The following HSDL2 variants were observed in gnomAD, a reference collection of about 807,000 sequenced individuals.
The protein encoded by HSDL2 is hydroxysteroid dehydrogenase like 2, also known as hydroxysteroid dehydrogenase-like protein 2.
HSDL2 carries 27 observed loss-of-function variants against 46.3 expected under a neutral mutation model. That is an observed-to-expected ratio of 0.58 (90% CI 0.43 to 0.80). The LOEUF is 0.80. HSDL2 is among the 30% of genes least tolerant of loss of function. The probability of loss-of-function intolerance (pLI) is 0.00; values close to 1 mark genes in which losing one functional copy is unlikely to be tolerated. For missense variants in HSDL2, 451 were observed against 502.7 expected, an observed-to-expected ratio of 0.90 and a Z score of 0.98; for synonymous variants, 153 against 163.6, an observed-to-expected ratio of 0.94 and a Z score of 0.50.
chr9:112,391,937 A>G (rs1311867008), intron 1 of HSDL2, among the ~76,000 whole-genome samples: 2 of 152,090 alleles, frequency 1.3e-5, no homozygotes, highest in Non-Finnish European at 2.9e-5. Context: ...ATTAATAGGA[A>G]CTTTGCAAAA....
chr9:112,391,179 A>AATAATAATAATG (rs1311324453), intron 1 of HSDL2, among the ~76,000 whole-genome samples: 4 of 109,414 alleles, frequency 3.7e-5, no homozygotes, highest in African/African-American at 9.1e-5. Flanking sequence ...CCATCTCAAA[A>AATAATAATAATG]ATAATAATAA....
At chr9:112,456,835 G>T (rs1028200693) in intron 9 of HSDL2, among the ~76,000 whole-genome samples, 1 of 152,020 alleles carries the variant, frequency 6.6e-6, no homozygotes, top group Non-Finnish European at 1.5e-5. Context: ...GGGCAGTGTC[G>T]ATCCACACCC....
chr9:112,466,165 T>TA (rs1388391976), intron 10 of HSDL2, among the ~76,000 whole-genome samples: 3 of 152,252 alleles, frequency 2.0e-5, no homozygotes, highest in African/African-American at 7.2e-5. Context: ...ATACTTTTTT[T>TA]ATGTGCTTAT....
intron 1 of HSDL2, among the ~76,000 whole-genome samples, chr9:112,393,814 A>C (rs968007499): frequency 6.6e-6 from 1 of 152,226 alleles, no homozygotes; most frequent in Non-Finnish European, 1.5e-5. Flanking sequence ...CAAGTGCATA[A>C]ATGACAATGT....
chr9:112,467,055 T>C (rs952202608), intron 10 of HSDL2, among the ~76,000 whole-genome samples: 1 of 152,184 alleles, frequency 6.6e-6, no homozygotes, highest in Non-Finnish European at 1.5e-5. Flanking sequence ...AACTCACAAT[T>C]TCTACTTGTA....
intron 8 of HSDL2, among the ~76,000 whole-genome samples, chr9:112,449,192 T>G (rs899803890): frequency 6.7e-6 from 1 of 150,166 alleles, no homozygotes; most frequent in African/African-American, 2.4e-5. Flanking sequence ...GTTCAAGCAA[T>G]TCTCATGCCT....
In HSDL2 at chr9:112,459,595, T is replaced by C. The variant is rs1420521561; in HGVS notation, c.1144+18T>C. The C allele has an allele frequency of 6.2e-7, 1 of 1,606,112 alleles. No homozygotes were observed. The highest frequency in any genetic ancestry group is 8.5e-7 in the Non-Finnish European group (1 of 1,173,430). On this transcript the variant is annotated intron_variant, in intron 10 of 10. Transcript: ENST00000398805. ...GTTTTCAGGTGAGTTTTCCAGTTTATTAGTTTACCTTATTGTTCAGAGAAA... is the reference window on the plus strand; with the variant it reads ...GTTTTCAGGTGAGTTTTCCAGTTTACTAGTTTACCTTATTGTTCAGAGAAA...
chr9:112,442,931 G>C (rs1832673199), intron 8 of HSDL2, among the ~76,000 whole-genome samples: 1 of 151,078 alleles, frequency 6.6e-6, no homozygotes, highest in Non-Finnish European at 1.5e-5. Flanking sequence ...AAATTACTTA[G>C]GTAATAAAAA....
chr9:112,433,850 G>T (rs1832461072), intron 6 of HSDL2: 1 of 152,170 alleles, frequency 6.6e-6, no homozygotes, highest in Admixed American at 6.6e-5. Flanking sequence ...TTAACGGAGT[G>T]GGTACAGTGT....
At chr9:112,398,485 T>A (rs992856642) in intron 1 of HSDL2, among the ~76,000 whole-genome samples, 2 of 150,834 alleles carry the variant, frequency 1.3e-5, no homozygotes, top group Non-Finnish European at 3.0e-5. Context: ...TCATTGGGGG[T>A]GACGTTAAGC....
chr9:112,387,425 GCC>G (rs1261156874), intron 1 of HSDL2, among the ~76,000 whole-genome samples: 1 of 151,998 alleles, frequency 6.6e-6, no homozygotes, highest in Non-Finnish European at 1.5e-5. Context: ...TCTCTATGTT[GCC>G]CAGGCTGGTC....
At chr9:112,397,950 G>A (rs1163428425) in intron 1 of HSDL2, among the ~76,000 whole-genome samples, 2 of 152,086 alleles carry the variant, frequency 1.3e-5, no homozygotes, top group Admixed American at 6.6e-5. Flanking sequence ...CGGATAAGCC[G>A]ACACCTCTAA....
chr9:112,458,236 A>C (rs1320061323), intron 9 of HSDL2, among the ~76,000 whole-genome samples: 1 of 151,808 alleles, frequency 6.6e-6, no homozygotes, highest in Non-Finnish European at 1.5e-5. Context: ...TTCAAATCTC[A>C]GCTTCAACTG....
chr9:112,430,513 C>G (rs1832362639), intron 6 of HSDL2, among the ~76,000 whole-genome samples: 1 of 152,088 alleles, frequency 6.6e-6, no homozygotes, highest in African/African-American at 2.4e-5. Context: ...CTGATCAAAC[C>G]TAAATGTTTA....
chr9:112,469,897 A>G, intron 10 of HSDL2: 1 of 152,232 alleles, frequency 6.6e-6, no homozygotes, highest in East Asian at 1.9e-4. Context: ...TATTTATTAC[A>G]TGTTGTTATT....
intron 1 of HSDL2, among the ~76,000 whole-genome samples, chr9:112,392,455 C>T (rs1379320923): frequency 6.6e-6 from 1 of 152,154 alleles, no homozygotes; most frequent in Non-Finnish European, 1.5e-5. Flanking sequence ...ATCTCACTCC[C>T]TCACTCCTTA....
chr9:112,420,288 T>C (rs2132645283), intron 6 of HSDL2, among the ~76,000 whole-genome samples: 1 of 152,298 alleles, frequency 6.6e-6, no homozygotes, highest in African/African-American at 2.4e-5. Context: ...CACTCCATCC[T>C]GGGTAACAGA....
chr9:112,422,897 T>A (rs577155218), intron 6 of HSDL2, among the ~76,000 whole-genome samples: 30 of 152,340 alleles, frequency 2.0e-4, no homozygotes, highest in Non-Finnish European at 3.8e-4. Context: ...GACTCTTTTA[T>A]CTTCAATGCC....
chr9:112,427,801 T>A (rs376203056), intron 6 of HSDL2, among the ~76,000 whole-genome samples: 13 of 152,238 alleles, frequency 8.5e-5, no homozygotes, highest in African/African-American at 3.1e-4. Context: ...CCCATTCTTC[T>A]TTCTTCTGGC....
Sources: gnomAD v4.1 joint callset for allele counts (sites outside exome capture counted in the v4.1 genomes callset) on GRCh38, gnomAD v4.1.1 for gene constraint, MANE v1.5 for transcripts, NCBI Gene and HGNC (gene_info 2026-07-23, HGNC 2026-07-21) for gene names.